The following CALN1 variants were observed in gnomAD, a reference collection of about 807,000 sequenced individuals.
CALN1 encodes calneuron 1.
In CALN1, 17 loss-of-function variants were observed where a neutral mutation model predicts 30.6. That is an observed-to-expected ratio of 0.56 (90% CI 0.38 to 0.83). The LOEUF (loss-of-function observed/expected upper bound fraction) is 0.83. Among genes scored for constraint, CALN1 ranks in the 40% least tolerant of loss-of-function variants. The pLI, the probability that CALN1 is intolerant of heterozygous loss-of-function variation, is 0.00. For missense variants in CALN1, 291 were observed against 354.9 expected, an observed-to-expected ratio of 0.82 and a Z score of 1.45; for synonymous variants, 156 against 131.4, an observed-to-expected ratio of 1.19 and a Z score of -1.28.
At chr7:71,954,670 A>G (rs1796867592) in intron 5 of CALN1, among the ~76,000 whole-genome samples, 1 of 151,966 alleles carries the variant, frequency 6.6e-6, no homozygotes, top group African/African-American at 2.4e-5. Flanking sequence ...AAAAGAAGAT[A>G]CGGATTGAGA....
chr7:71,833,953 G>A (rs1789445404), intron 5 of CALN1, among the ~76,000 whole-genome samples: 1 of 152,050 alleles, frequency 6.6e-6, no homozygotes, highest in Non-Finnish European at 1.5e-5. Context: ...GCCCGGCGCA[G>A]TGGCTCACGC....
chr7:72,205,287 C>T (rs1450827664), intron 3 of CALN1, among the ~76,000 whole-genome samples: 1 of 151,696 alleles, frequency 6.6e-6, no homozygotes, highest in East Asian at 2.0e-4. Flanking sequence ...ACCGCAACCT[C>T]CGCCTCCCAG....
chr7:71,968,199 C>CA (rs1426190266), intron 5 of CALN1, among the ~76,000 whole-genome samples: 8 of 151,126 alleles, frequency 5.3e-5, no homozygotes, highest in African/African-American at 1.2e-4. Context: ...CACTCCTGAA[C>CA]AAAAAAAAGA....
chr7:72,488,489 T>A, the CALN1 span, among the ~76,000 whole-genome samples: 14 of 152,186 alleles, frequency 9.2e-5, no homozygotes, highest in Non-Finnish European at 1.5e-4. Context: ...TTCCAGCTAA[T>A]AAGAGAGCAC....
intron 2 of CALN1, among the ~76,000 whole-genome samples, chr7:72,386,640 G>A (rs1355381940): frequency 2.0e-5 from 3 of 152,086 alleles, no homozygotes; most frequent in Non-Finnish European, 2.9e-5. Context: ...CCTATGTGTT[G>A]TTAGTGTTTT....
intron 5 of CALN1, among the ~76,000 whole-genome samples, chr7:71,934,903 T>C (rs1795749550): frequency 6.6e-6 from 1 of 152,138 alleles, no homozygotes; most frequent in African/African-American, 2.4e-5. Flanking sequence ...CTCCTGTTTA[T>C]AAAACCATCA....
intron 5 of CALN1, among the ~76,000 whole-genome samples, chr7:71,980,135 C>T (rs1798315828): frequency 6.7e-6 from 1 of 149,108 alleles, no homozygotes; most frequent in African/African-American, 2.5e-5. Flanking sequence ...GTCTCAGACT[C>T]CCAAAGTGCA....
chr7:71,791,545 C>T (rs928598160), intron 6 of CALN1, among the ~76,000 whole-genome samples: 1 of 152,004 alleles, frequency 6.6e-6, no homozygotes, highest in Non-Finnish European at 1.5e-5. Context: ...CACTGGGGCC[C>T]ACTTGAGGAT....
intron 3 of CALN1, among the ~76,000 whole-genome samples, chr7:72,254,658 G>A (rs549537383): frequency 5.3e-5 from 8 of 151,904 alleles, no homozygotes; most frequent in African/African-American, 1.9e-4. Context: ...TTTTTGCTGA[G>A]GGGACAGAAT....
intron 2 of CALN1, among the ~76,000 whole-genome samples, chr7:72,331,615 CT>C (rs1323256699): frequency 6.6e-6 from 1 of 152,074 alleles, no homozygotes; most frequent in Admixed American, 6.5e-5. Context: ...GAGACAGCAA[CT>C]TTTTTTTCTA....
intron 2 of CALN1, among the ~76,000 whole-genome samples, chr7:72,362,171 C>G (rs146619857): frequency 6.6e-5 from 10 of 152,082 alleles, no homozygotes; most frequent in African/African-American, 2.4e-4. Context: ...ATAAAATATC[C>G]ACGTCCAGGG....
chr7:72,494,315 A>C, the CALN1 span, among the ~76,000 whole-genome samples: 1 of 152,190 alleles, frequency 6.6e-6, no homozygotes, highest in Non-Finnish European at 1.5e-5. Flanking sequence ...AAGTCAGTAG[A>C]ATACACCAGT....
chr7:72,482,477 T>A, the CALN1 span, among the ~76,000 whole-genome samples: 1 of 152,128 alleles, frequency 6.6e-6, no homozygotes. Flanking sequence ...TGAATTGAAT[T>A]TTTTCTTTTA....
chr7:71,837,882 A>T (rs1376903562), intron 5 of CALN1, among the ~76,000 whole-genome samples: 1 of 152,192 alleles, frequency 6.6e-6, no homozygotes, highest in Admixed American at 6.5e-5. Flanking sequence ...TCTAAATCCC[A>T]TATTACATAA....
In CALN1 at chr7:71,870,211, C is replaced by T. The variant is rs538992178; in HGVS notation, c.502-59719G>A. 4.6e-5 allele frequency among the ~76,000 whole-genome samples: 7 copies of T among 152,214 alleles called. No individual in the cohort carries two copies. The South Asian group carries it at 6.2e-4, about 14-fold the overall frequency. On this transcript the variant is annotated intron_variant, in intron 5 of 6. Coordinates refer to ENST00000395275, the MANE Select transcript of CALN1 (RefSeq NM_031468.4). The stretch of plus-strand genomic sequence containing the variant: ...CAACCTGGCCAACACGGTGAAACCC[C>T]GTCTCTACTAAGAATACAAAAATTA...
intron 3 of CALN1, among the ~76,000 whole-genome samples, chr7:72,125,971 T>C (rs1808734741): frequency 6.6e-6 from 1 of 151,926 alleles, no homozygotes; most frequent in South Asian, 2.1e-4. Flanking sequence ...AGCTAATTTT[T>C]TGTATCTTTA....
chr7:71,986,732 G>A (rs781720239), intron 5 of CALN1, among the ~76,000 whole-genome samples: 11 of 152,186 alleles, frequency 7.2e-5, no homozygotes, highest in Non-Finnish European at 1.6e-4. Flanking sequence ...AGCAAATGCT[G>A]CATAGTTTAA....
intron 3 of CALN1, among the ~76,000 whole-genome samples, chr7:72,238,068 C>T (rs922258573): frequency 6.6e-6 from 1 of 152,190 alleles, no homozygotes; most frequent in Non-Finnish European, 1.5e-5. Flanking sequence ...CTACAGAAGA[C>T]AGCCGGGTTC....
At chr7:72,479,900 T>G in the CALN1 span, among the ~76,000 whole-genome samples, 2 of 152,232 alleles carry the variant, frequency 1.3e-5, no homozygotes, top group Non-Finnish European at 1.5e-5. Flanking sequence ...CAATTGACTC[T>G]GTATCTTTGT....
Sources: gnomAD v4.1 joint callset for allele counts (sites outside exome capture counted in the v4.1 genomes callset) on GRCh38, gnomAD v4.1.1 for gene constraint, MANE v1.5 for transcripts, NCBI Gene and HGNC (gene_info 2026-07-23, HGNC 2026-07-21) for gene names.